Variants in FHOD1 observed in about 807,000 individuals in gnomAD.
FHOD1 encodes the protein formin homology 2 domain containing 1, also known as FH1/FH2 domain-containing protein 1.
FHOD1 carries 89 observed loss-of-function variants against 111.6 expected under a neutral mutation model. That is an observed-to-expected ratio of 0.80 (90% CI 0.67 to 0.95). The LOEUF (loss-of-function observed/expected upper bound fraction) is 0.95, where lower values mean the gene tolerates loss of function less well. Ranked by LOEUF, FHOD1 falls within the 40% of genes least tolerant of loss-of-function variation. The pLI is 0.00. For synonymous variants in FHOD1, 618 were observed against 639.0 expected (o/e 0.97, Z 0.50); for missense variants, 1,446 against 1,554.2 (o/e 0.93, Z 1.17).
At chr16:67,245,930 G>A (rs1487755935) in intron 1 of FHOD1, among the ~76,000 whole-genome samples, 1 of 152,220 alleles carries the variant, frequency 6.6e-6, no homozygotes, top group East Asian at 1.9e-4. Flanking sequence ...CTGAATGGGA[G>A]GTGGCCTCCA....
rs550732779 is a variant in FHOD1 at position 67,230,975 on chromosome 16, G to T, written c.2668-184C>A. 3.6e-6 allele frequency: 3 copies of T among 829,148 alleles called. No individual in the cohort carries two copies. The East Asian group carries it at 8.0e-5, about 22-fold the overall frequency. The allele number at this position is 829,148 out of a possible 1,614,324, so 51.4% of individuals were successfully genotyped here. A position where few individuals can be genotyped will look rare whatever the true frequency, so the allele number is the denominator to read the frequency against. On this transcript the variant is annotated intron_variant, in intron 17 of 21. Transcript: ENST00000258201. ...AATGGGGAGCAGAAGGTTTACTGGG[G>T]GAAGTGGCAGTTAAACAGACCCAAA...
At position 67,229,624 on chromosome 16, in the gene FHOD1, G is replaced by T. The variant is rs764857793; in HGVS notation, c.*12C>A. The T allele has an allele frequency of 6.2e-7, 1 of 1,612,546 alleles. No individual in the cohort carries two copies. The highest frequency in any genetic ancestry group is 1.7e-5 in the Admixed American group (1 of 60,002). On this transcript the variant is annotated 3_prime_UTR_variant, in exon 22 of 22. Transcript: ENST00000258201. ...GTCCAGGGTCCAGATAGATTTCCGG[G>T]ATACAGCACCTTCACACCTCCAGGC...
rs373071038 is a variant in FHOD1, at chr16:67,237,641, A to G, written c.754+16T>C. On this transcript the variant is annotated intron_variant, in intron 7 of 21. Transcript: ENST00000258201. The surrounding 1 kb of genome is among the most constrained non-coding windows in gnomAD (Gnocchi z 5.6). ...AGGGCTCTGAGCGGTGGGGGGAGAAAGGGACAGTCTCTGACCGGTGGTGCT... is the reference window on the plus strand; with the variant it reads ...AGGGCTCTGAGCGGTGGGGGGAGAAGGGGACAGTCTCTGACCGGTGGTGCT... The G allele has an allele frequency of 1.2e-5, 19 of 1,613,588 alleles. No individual in the cohort carries two copies. The highest frequency in any genetic ancestry group is 1.6e-5 in the Non-Finnish European group (19 of 1,179,634).
chr16:67,241,658 C>G (rs570064516), intron 1 of FHOD1, among the ~76,000 whole-genome samples: 1 of 152,170 alleles, frequency 6.6e-6, no homozygotes, highest in Admixed American at 6.5e-5. Context: ...GACAGACAGA[C>G]GAGTCAGAAA....
At chr16:67,243,061 C>T (rs764631271) in intron 1 of FHOD1, among the ~76,000 whole-genome samples, 9 of 151,636 alleles carry the variant, frequency 5.9e-5, no homozygotes, top group Non-Finnish European at 1.2e-4. Flanking sequence ...GACTGTCTTA[C>T]CCAATATTTT....
At chr16:67,233,080 A>C (rs368987103) in intron 13 of FHOD1, among the ~76,000 whole-genome samples, 3 of 146,714 alleles carry the variant, frequency 2.0e-5, no homozygotes, top group Non-Finnish European at 4.5e-5. Flanking sequence ...ACATTTATTT[A>C]TTTTTATTTA....
chr16:67,234,100 G>T lies in FHOD1; in HGVS notation c.1603C>A (p.Arg535Ser). ...TCCCCAATAGAGAGCCTGGGTGCAC[G>T]GGTAGGGAGCTCCCAGATGGGCTCA... The part of the protein sequence containing the change: ...KAEPIWELPT[R>S]APRLSIGDLD... The change falls in exon 13 of 22, where the codon CGT (arginine) becomes AGT (serine). Residue 535 changes from arginine to serine, a missense_variant. Physicochemically the swap from Arg to Ser is moderately radical, Grantham distance 110. This residue lies in a region of FHOD1 where 1,085 missense variants were observed against 1,108.8 expected (regional missense o/e 0.98). Coordinates refer to ENST00000258201, the MANE Select transcript of FHOD1 (RefSeq NM_013241.3). The T allele has an allele frequency of 6.3e-7, 1 of 1,597,422 alleles. No individual in the cohort carries two copies. Among genetic ancestry groups the T allele is most frequent in the Non-Finnish European group, 8.6e-7 (1 of 1,169,178 alleles).
At chr16:67,232,316 G>C (rs2034310247) in intron 13 of FHOD1, 122 bp from the exon 14 acceptor site, 1 of 868,336 alleles carries the variant, frequency 1.2e-6, no homozygotes, top group Non-Finnish European at 1.8e-6. Flanking sequence ...AGGAGATCGA[G>C]ACCATCCTGG....
rs966618638 is a variant in FHOD1 at position 67,241,642 on chromosome 16, C to CTG, written c.202-2189_202-2188insCA. ...CTTCCTTCCAGCCCAGTGGGGCAGA[C>CTG]GGGAAGACAGACAGACGAGTCAGAA... On this transcript the variant is annotated intron_variant, in intron 1 of 21. Transcript: ENST00000258201. Among the ~76,000 whole-genome samples, 166 of 152,304 alleles carry CTG rather than the reference C, an allele frequency of 1.1e-3. 1 individual carries two copies. Among genetic ancestry groups the CTG allele is most frequent in the African/African-American group, 3.8e-3 (158 of 41,546 alleles).
chr16:67,240,739 G>A (rs1466911224), intron 1 of FHOD1, among the ~76,000 whole-genome samples: 2 of 152,186 alleles, frequency 1.3e-5, no homozygotes, highest in African/African-American at 4.8e-5. Flanking sequence ...TGAGTCGGAG[G>A]GTGGCACTCT....
Position 67,238,878 on chromosome 16 carries a change from G to C in FHOD1, c.373+25C>G, listed in dbSNP as rs1241740763. 6.2e-7 allele frequency: 1 copy of C among 1,612,944 alleles called. No homozygotes were observed. The highest frequency in any genetic ancestry group is 1.1e-5 in the South Asian group (1 of 91,056). ...GGGCTATGGGGAGGAGGTGCTGCTG[G>C]ACATGGATGCTCTCACACACTCACC... On this transcript the variant is annotated intron_variant, in intron 3 of 21. Transcript: ENST00000258201. The surrounding 1 kb of genome is among the most constrained non-coding windows in gnomAD (Gnocchi z 4.2).
intron 1 of FHOD1, among the ~76,000 whole-genome samples, chr16:67,242,995 T>C (rs999760065): frequency 4.0e-5 from 6 of 151,430 alleles, no homozygotes; most frequent in Non-Finnish European, 7.4e-5. Flanking sequence ...TAGACATCTA[T>C]TACATATATC....
chr16:67,243,102 A>C (rs2034713172), intron 1 of FHOD1, among the ~76,000 whole-genome samples: 1 of 152,128 alleles, frequency 6.6e-6, no homozygotes, highest in Non-Finnish European at 1.5e-5. Flanking sequence ...AAGACTGAAC[A>C]TACCAGAGCA....
chr16:67,235,497 T>G (rs1434216006), intron 11 of FHOD1, among the ~76,000 whole-genome samples: 1 of 142,952 alleles, frequency 7.0e-6, no homozygotes, highest in African/African-American at 2.7e-5. Flanking sequence ...ACCACTGCAC[T>G]CCAGCCTTGG....
chr16:67,243,176 A>G (rs2034714541), intron 1 of FHOD1, among the ~76,000 whole-genome samples: 1 of 152,042 alleles, frequency 6.6e-6, no homozygotes, highest in East Asian at 1.9e-4. Flanking sequence ...TTAGAAAATA[A>G]TTGGTTAACT....
chr16:67,231,024 A>G lies in FHOD1; in HGVS notation c.2667+164T>C. On this transcript the variant is annotated intron_variant, in intron 17 of 21. Transcript: ENST00000258201. This position sits in a 1 kb window ranked among gnomAD's most constrained non-coding sequence, Gnocchi z 4.3. The stretch of plus-strand genomic sequence containing the variant: ...AAGACTGAGTAGGTGTGGCCAGGCC[A>G]ATAGAGGAAAGAGCATTTCTGGCAG... 1 of 986,406 alleles carries G rather than the reference A, an allele frequency of 1.0e-6. No homozygotes were observed. Among genetic ancestry groups the G allele is most frequent in the Non-Finnish European group, 1.5e-6 (1 of 678,592 alleles). The allele number at this position is 986,406 out of a possible 1,614,324, so 61.1% of individuals were successfully genotyped here. A position where few individuals can be genotyped will look rare whatever the true frequency, so the allele number is the denominator to read the frequency against.
Position 67,231,173 on chromosome 16 carries a change from C to T in FHOD1, c.2667+15G>A, listed in dbSNP as rs774565957. The stretch of plus-strand genomic sequence containing the variant: ...ATGCCTTGTCCGGCCTTGGTTGATT[C>T]TGGCAGGTGCTAACCTTGGCACAGC... On this transcript the variant is annotated intron_variant, in intron 17 of 21. Coordinates refer to ENST00000258201, the MANE Select transcript of FHOD1 (RefSeq NM_013241.3). This position sits in a 1 kb window ranked among gnomAD's most constrained non-coding sequence, Gnocchi z 4.3. The T allele has an allele frequency of 5.6e-6, 9 of 1,613,280 alleles. No homozygotes were observed. The highest frequency in any genetic ancestry group is 1.1e-5 in the South Asian group (1 of 91,008).
In FHOD1 at chr16:67,234,088, G is replaced by T; in HGVS notation, c.1615C>A (p.Leu539Ile). Residue 539 changes from leucine to isoleucine, a missense_variant, in exon 13 of 22, where the codon CTC becomes ATC. Leu to Ile is a conservative substitution (Grantham distance 5). This residue lies in a region of FHOD1 where 1,085 missense variants were observed against 1,108.8 expected (regional missense o/e 0.98). Coordinates refer to ENST00000258201, the MANE Select transcript of FHOD1 (RefSeq NM_013241.3). ...IWELPTRAPR[L>I]SIGDLDFSDL... ...GAAAAGTCCAGGTCCCCAATAGAGA[G>T]CCTGGGTGCACGGGTAGGGAGCTCC... is the stretch of plus-strand genomic sequence containing the variant. 1 of 1,605,488 alleles carries T rather than the reference G, an allele frequency of 6.2e-7. No individual in the cohort carries two copies. The highest frequency in any genetic ancestry group is 8.5e-7 in the Non-Finnish European group (1 of 1,173,840).
At chr16:67,230,815 TACTGTCCCCCCACACCCTGTAGACAAG>T (rs1183402942) in intron 17 of FHOD1, 24 bp from the exon 18 acceptor site, 2 of 1,562,846 alleles carry the variant, frequency 1.3e-6, no homozygotes, top group East Asian at 4.5e-5. Flanking sequence ...GGGGTGCACA[TACTGTCCCCCCACACCCTGTAGACAAG>T]ACATGGCCCG....
Sources: gnomAD v4.1 joint callset for allele counts (sites outside exome capture counted in the v4.1 genomes callset) on GRCh38, gnomAD v4.1.1 for gene constraint, gnomAD v4.1.1 regional missense constraint, Gnocchi (gnomAD v3.1) non-coding constraint, MANE v1.5 for transcripts, NCBI Gene and HGNC (gene_info 2026-07-23, HGNC 2026-07-21) for gene names.